DTX3L: variants seen among roughly 807,000 people sequenced by gnomAD.
DTX3L encodes the protein E3 ubiquitin-protein ligase DTX3L.
DTX3L carries 34 observed loss-of-function variants against 60.9 expected under a neutral mutation model. That is an observed-to-expected ratio of 0.56 (90% CI 0.42 to 0.74). DTX3L has a LOEUF of 0.74. Ranked by LOEUF, DTX3L falls within the 30% of genes least tolerant of loss-of-function variation. DTX3L has a pLI of 0.00. For synonymous variants in DTX3L, 290 were observed against 316.6 expected (o/e 0.92, Z 0.89); for missense variants, 810 against 874.0 (o/e 0.93, Z 0.92).
intron 1 of DTX3L, among the ~76,000 whole-genome samples, 162 bp from the exon 2 acceptor site, chr3:122,565,697 G>C (rs2080569209): frequency 6.6e-6 from 1 of 151,986 alleles, no homozygotes; most frequent in South Asian, 2.1e-4. Context: ...GCTCTTAATA[G>C]CTCCCCGACT....
At chr3:122,565,783 C>G in intron 1 of DTX3L, 76 bp from the exon 2 acceptor site, 1 of 1,439,998 alleles carries the variant, frequency 6.9e-7, no homozygotes, top group Non-Finnish European at 9.7e-7. Context: ...AGTACAGACA[C>G]AGGAATGAGA....
intron 2 of DTX3L, 74 bp from the exon 3 acceptor site, chr3:122,568,415 A>G: frequency 8.1e-7 from 1 of 1,241,838 alleles, no homozygotes; most frequent in Non-Finnish European, 1.1e-6. Context: ...GTCTCTATGC[A>G]TTCTCCTGAA....
intron 2 of DTX3L, among the ~76,000 whole-genome samples, chr3:122,566,769 C>G (rs181117274): frequency 6.6e-6 from 1 of 152,238 alleles, no homozygotes; most frequent in East Asian, 1.9e-4. Flanking sequence ...TATCCACTGC[C>G]TACTGTGTTC....
At position 122,564,544 on chromosome 3, in the gene DTX3L, G is replaced by A. The variant is rs771366341; in HGVS notation, c.118G>A (p.Glu40Lys). The change falls in exon 1 of 5, where the codon GAG becomes AAG. Residue 40 changes from glutamate (E) to lysine (K), a missense_variant. Transcript: ENST00000296161. Reference sequence around the variant, plus strand: ...GAGCTCTAAGTCCTCGGGCGGCGGGGAGTGCACGGTCAGCACCCAGGAACA... The same window carrying A: ...GAGCTCTAAGTCCTCGGGCGGCGGGAAGTGCACGGTCAGCACCCAGGAACA... ...FQSSKSSGGG[E>K]CTVSTQEHEA... 2 of 1,610,856 alleles carry A rather than the reference G, an allele frequency of 1.2e-6. No homozygotes were observed. Among genetic ancestry groups the A allele is most frequent in the Admixed American group, 3.3e-5 (2 of 59,880 alleles).
chr3:122,568,295 G>A (rs1446405102), intron 2 of DTX3L, among the ~76,000 whole-genome samples, 194 bp from the exon 3 acceptor site: 3 of 151,314 alleles, frequency 2.0e-5, no homozygotes, highest in Non-Finnish European at 2.9e-5. Flanking sequence ...GGTAACAAGA[G>A]TGAAACTCCA....
Position 122,574,612 on chromosome 3 carries a change from A to C in DTX3L, c.*2865A>C, listed in dbSNP as rs2107784257. 6.6e-6 allele frequency: 1 copy of C among 152,354 alleles called. No homozygotes were observed. The highest frequency in any genetic ancestry group is 2.1e-4 in the South Asian group (1 of 4,822). 9.4% of individuals were successfully genotyped at this position (152,354 alleles called of 1,614,324 possible). On this transcript the variant is annotated 3_prime_UTR_variant, in exon 5 of 5. Coordinates refer to ENST00000296161, the MANE Select transcript of DTX3L (RefSeq NM_138287.3). Reference sequence around the variant, plus strand: ...TCATATTCCCATTTTATAACTGAGAAAACTGGTGCACAGAGAGGATAAGCA... The same window carrying C: ...TCATATTCCCATTTTATAACTGAGACAACTGGTGCACAGAGAGGATAAGCA...
At chr3:122,565,825 G>A (rs1179369395) in intron 1 of DTX3L, 34 bp from the exon 2 acceptor site, 1 of 1,590,848 alleles carries the variant, frequency 6.3e-7, no homozygotes, top group African/African-American at 1.3e-5. Flanking sequence ...ATTTTTATGT[G>A]TGTATATGTG....
chr3:122,574,983 A>C lies in DTX3L; in HGVS notation c.*3236A>C, dbSNP rs902725290. The C allele has an allele frequency of 4.6e-5, 7 of 152,218 alleles. No homozygotes were observed. The highest frequency in any genetic ancestry group is 1.5e-5 in the Non-Finnish European group (1 of 68,044). 9.4% of individuals were successfully genotyped at this position (152,218 alleles called of 1,614,324 possible). A position where few individuals can be genotyped will look rare whatever the true frequency, so the allele number is the denominator to read the frequency against. Reference sequence around the variant, plus strand: ...GTGATTCATTAAATTCTTTACTATTATAGTTATTTTCTAGCTGTTCATCTT... The same window carrying C: ...GTGATTCATTAAATTCTTTACTATTCTAGTTATTTTCTAGCTGTTCATCTT... On this transcript the variant is annotated 3_prime_UTR_variant, in exon 5 of 5. Coordinates refer to ENST00000296161, the MANE Select transcript of DTX3L (RefSeq NM_138287.3).
Position 122,574,261 on chromosome 3 carries a change from T to A in DTX3L, c.*2514T>A, listed in dbSNP as rs577028959. 6.6e-6 allele frequency: 1 copy of A among 152,312 alleles called. No individual in the cohort carries two copies. Among genetic ancestry groups the A allele is most frequent in the Admixed American group, 6.5e-5 (1 of 15,300 alleles). 9.4% of individuals were successfully genotyped at this position (152,312 alleles called of 1,614,324 possible). A position where few individuals can be genotyped will look rare whatever the true frequency, so the allele number is the denominator to read the frequency against. ...TACTAAGTCCCACCAATTCATGTTT[T>A]CACCCTTAAAATCTTTCTCACTGAT... On this transcript the variant is annotated 3_prime_UTR_variant, in exon 5 of 5. Transcript: ENST00000296161.
At chr3:122,568,166 G>A (rs546064918) in intron 2 of DTX3L, among the ~76,000 whole-genome samples, 23 of 152,216 alleles carry the variant, frequency 1.5e-4, no homozygotes, top group Admixed American at 5.9e-4. Context: ...AAAATTAGCC[G>A]GGCGTGGTGG....
chr3:122,570,404 A>G (rs1466990433), intron 3 of DTX3L, 51 bp from the exon 4 acceptor site: 1 of 1,581,682 alleles, frequency 6.3e-7, no homozygotes, highest in Admixed American at 1.7e-5. Context: ...ACCTATAGTA[A>G]AAATTAGACA....
Position 122,569,872 on chromosome 3 carries a change from A to G in DTX3L, c.1783A>G (p.Ile595Val). The change falls in exon 3 of 5, where the codon ATC (isoleucine) becomes GTC (valine). Residue 595 changes from isoleucine (I) to valine (V), a missense_variant. Coordinates refer to ENST00000296161, the MANE Select transcript of DTX3L (RefSeq NM_138287.3). ...CINKAMSYKP[I>V]CPTCQTSYGI... ...CAACAAAGCCATGTCATATAAGCCA[A>G]TCTGTCCCACATGCCAGACTTCCTA... The G allele has an allele frequency of 1.9e-6, 3 of 1,614,148 alleles. No homozygotes were observed. Among genetic ancestry groups the G allele is most frequent in the Non-Finnish European group, 1.7e-6 (2 of 1,180,028 alleles).
chr3:122,570,142 T>G (rs746070321), intron 3 of DTX3L, 118 bp downstream of exon 3: 4 of 1,103,710 alleles, frequency 3.6e-6, no homozygotes. Context: ...TCCAGGGTCA[T>G]GTGCAAGGGA....
chr3:122,570,614 G>A lies in DTX3L; in HGVS notation c.2095G>A (p.Asp699Asn), dbSNP rs1266221524. 6.2e-7 allele frequency: 1 copy of A among 1,614,168 alleles called. No individual in the cohort carries two copies. Among genetic ancestry groups the A allele is most frequent in the Non-Finnish European group, 8.5e-7 (1 of 1,180,034 alleles). ...GTACTCTCGCGTATTAGGAGTCTCA[G>A]ATGTCATCACTTGGAATGATATTCA... ...VGYSRVLGVS[D>N]VITWNDIHHK... Residue 699 changes from aspartate (D) to asparagine (N), a missense_variant, in exon 4 of 5, where the codon GAT becomes AAT. Asp to Asn is a conservative substitution (Grantham distance 23). Coordinates refer to ENST00000296161, the MANE Select transcript of DTX3L (RefSeq NM_138287.3).
rs2080638711 is a variant in DTX3L, at chr3:122,570,639, A to T, written c.2120A>T (p.His707Leu). The change falls in exon 4 of 5, where the codon CAC (histidine) becomes CTC (leucine). Residue 707 changes from histidine to leucine, a missense_variant. Coordinates refer to ENST00000296161, the MANE Select transcript of DTX3L (RefSeq NM_138287.3). The stretch of plus-strand genomic sequence containing the variant: ...GATGTCATCACTTGGAATGATATTC[A>T]CCACAAAACATCCCGGTTTGGAGGA... ...VSDVITWNDI[H>L]HKTSRFGGPE... The T allele has an allele frequency of 2.5e-6, 4 of 1,614,200 alleles. No individual in the cohort carries two copies. The highest frequency in any genetic ancestry group is 3.4e-6 in the Non-Finnish European group (4 of 1,180,024).
chr3:122,564,675 C>G, intron 1 of DTX3L, 62 bp downstream of exon 1: 1 of 1,540,042 alleles, frequency 6.5e-7, no homozygotes, highest in Non-Finnish European at 8.7e-7. Flanking sequence ...GGTTTCCAGG[C>G]GGACCCAGTT....
chr3:122,570,431 T>C, intron 3 of DTX3L, 24 bp from the exon 4 acceptor site: 1 of 1,611,740 alleles, frequency 6.2e-7, no homozygotes, highest in Non-Finnish European at 8.5e-7. Flanking sequence ...TCTTTTCACA[T>C]GACATTTTCT....
chr3:122,568,991 A>G lies in DTX3L; in HGVS notation c.902A>G (p.Asn301Ser), dbSNP rs534746194. 9 of 1,614,162 alleles carry G rather than the reference A, an allele frequency of 5.6e-6. No homozygotes were observed. The Admixed American group carries it at 1.3e-4, about 24-fold the overall frequency. ...TCTTTTGCTAGTGAATTTCAGAAGA[A>G]CACAGAACCTCTGAAGCAAGAATGT... ...RESFASEFQK[N>S]TEPLKQECVS... Residue 301 changes from asparagine (N) to serine (S), a missense_variant, in exon 3 of 5, where the codon AAC becomes AGC. Asn to Ser is a conservative substitution (Grantham distance 46). Transcript: ENST00000296161.
rs778376980 is a variant in DTX3L at position 122,569,485 on chromosome 3, C to T, written c.1396C>T (p.His466Tyr). The T allele has an allele frequency of 2.5e-6, 4 of 1,614,102 alleles. No individual in the cohort carries two copies. In the Admixed American group the frequency reaches 5.0e-5, roughly 20 times the overall value. Residue 466 changes from histidine to tyrosine, a missense_variant, in exon 3 of 5, where the codon CAT becomes TAT. By Grantham distance (83) the His-to-Tyr change is moderately conservative (BLOSUM62 2). Coordinates refer to ENST00000296161, the MANE Select transcript of DTX3L (RefSeq NM_138287.3). ...TTTGGGCAAGGAGAGAAAGCACTTA[C>T]ATCAGACCAAGTTTGCTGATGACTT... ...KSLGKERKHL[H>Y]QTKFADDFRK...
Sources: gnomAD v4.1 joint callset for allele counts (sites outside exome capture counted in the v4.1 genomes callset) on GRCh38, gnomAD v4.1.1 for gene constraint, MANE v1.5 for transcripts, NCBI Gene and HGNC (gene_info 2026-07-23, HGNC 2026-07-21) for gene names.